Variants in OPCML observed in about 807,000 individuals in gnomAD.
OPCML encodes the protein opioid-binding protein/cell adhesion molecule.
A neutral mutation model predicts 37.8 loss-of-function variants in OPCML; 13 were observed. The ratio of observed to expected loss-of-function variants is 0.34; its 90% confidence interval spans 0.22 to 0.55. The LOEUF (loss-of-function observed/expected upper bound fraction) is 0.55, where lower values mean the gene tolerates loss of function less well. OPCML is among the 20% of genes least tolerant of loss of function. The pLI, the probability that OPCML is intolerant of heterozygous loss-of-function variation, is 0.91. For synonymous variants in OPCML, 176 were observed against 168.8 expected (o/e 1.04, Z -0.33); for missense variants, 341 against 435.6 (o/e 0.78, Z 1.93).
intron 3 of OPCML, among the ~76,000 whole-genome samples, chr11:132,649,718 T>C (rs1254798024): frequency 6.6e-6 from 1 of 152,164 alleles, no homozygotes; most frequent in Non-Finnish European, 1.5e-5. Flanking sequence ...CATGTATATG[T>C]GTATATCCAA....
chr11:132,555,745 T>A (rs7951475), intron 3 of OPCML, among the ~76,000 whole-genome samples: 40,555 of 152,022 alleles, frequency 0.27, 7,607 homozygotes, highest in East Asian at 0.64. Flanking sequence ...TTGCTCACTG[T>A]TAATCAGAAT....
Position 133,420,717 on chromosome 11 carries a change from T to C in OPCML, c.61+111547A>G, listed in dbSNP as rs148954296. The C allele has an allele frequency of 2.8e-5, 28 of 985,454 alleles. 1 individual carries two copies. In the South Asian group the frequency reaches 8.5e-4, roughly 30 times the overall value. The allele number at this position is 985,454 out of a possible 1,614,324, so 61.0% of individuals were successfully genotyped here. On this transcript the variant is annotated intron_variant, in intron 1 of 7. Transcript: ENST00000524381. Reference sequence around the variant, plus strand: ...GCCTACCCTAAATTGTCCAGTGGCATGTCAAGGGCTTGGGGACTAGGTTTA... The same window carrying C: ...GCCTACCCTAAATTGTCCAGTGGCACGTCAAGGGCTTGGGGACTAGGTTTA...
intron 1 of OPCML, among the ~76,000 whole-genome samples, chr11:133,115,322 C>T (rs1295758071): frequency 6.6e-6 from 1 of 152,180 alleles, no homozygotes; most frequent in African/African-American, 2.4e-5. Context: ...GGTGTTTGCT[C>T]AAAGCCCTTG....
intron 1 of OPCML, among the ~76,000 whole-genome samples, chr11:133,406,205 C>T (rs1945522614): frequency 1.3e-5 from 2 of 152,126 alleles, no homozygotes; most frequent in South Asian, 4.1e-4. Context: ...CTTGGAGAGT[C>T]AAGAACATAC....
In OPCML at chr11:133,211,153, G is replaced by T. The variant is rs541759173; in HGVS notation, c.62-268143C>A. 6.6e-6 allele frequency among the ~76,000 whole-genome samples: 1 copy of T among 152,130 alleles called. No homozygotes were observed. The highest frequency in any genetic ancestry group is 2.4e-5 in the African/African-American group (1 of 41,408). ...TCGTGATTGATGAGCCTGCCAGAAG[G>T]AATCAAATATTTCTGCAAATTCTGA... On this transcript the variant is annotated intron_variant, in intron 1 of 7. Transcript: ENST00000524381. This position sits in a 1 kb window ranked among gnomAD's most constrained non-coding sequence, Gnocchi z 4.1.
chr11:133,007,367 C>A, intron 1 of OPCML: 1 of 985,458 alleles, frequency 1.0e-6, no homozygotes, highest in Non-Finnish European at 1.2e-6. Context: ...GTGATTAGCT[C>A]AGCCACAGAG....
At chr11:133,013,325 T>C (rs2136880908) in intron 1 of OPCML, among the ~76,000 whole-genome samples, 1 of 152,298 alleles carries the variant, frequency 6.6e-6, no homozygotes, top group Admixed American at 6.5e-5. Flanking sequence ...AATAATGCAA[T>C]GAATTCAAAA....
chr11:133,438,656 A>G (rs1408023475), intron 1 of OPCML, among the ~76,000 whole-genome samples: 1 of 152,124 alleles, frequency 6.6e-6, no homozygotes, highest in East Asian at 1.9e-4. Flanking sequence ...CTTTGGTTTT[A>G]GTGAGGTGAC....
intron 1 of OPCML, chr11:133,008,821 T>G: frequency 1.1e-6 from 1 of 876,396 alleles, no homozygotes; most frequent in Non-Finnish European, 1.4e-6. Context: ...TACTCCCTAA[T>G]GCACTTTCTG....
chr11:132,784,456 C>T (rs1318910699), intron 2 of OPCML, among the ~76,000 whole-genome samples: 1 of 152,118 alleles, frequency 6.6e-6, no homozygotes, highest in African/African-American at 2.4e-5. Flanking sequence ...CCTTCCACTC[C>T]TCTGCCTGCC....
intron 1 of OPCML, among the ~76,000 whole-genome samples, chr11:133,382,893 C>T (rs912645299): frequency 6.6e-6 from 1 of 152,162 alleles, no homozygotes. Context: ...TCCTAGATAG[C>T]TTTTCTGATC....
intron 1 of OPCML, among the ~76,000 whole-genome samples, chr11:133,436,479 C>T (rs768550817): frequency 2.6e-5 from 4 of 152,120 alleles, no homozygotes; most frequent in Non-Finnish European, 5.9e-5. Context: ...AGTTTCACTC[C>T]GCTCATCTTT....
rs368639759 is a variant in OPCML at position 133,167,112 on chromosome 11, G to A, written c.62-224102C>T. On this transcript the variant is annotated intron_variant, in intron 1 of 7. Transcript: ENST00000524381. The stretch of plus-strand genomic sequence containing the variant: ...GTCCTGAGAAAGCAGAGAGGTACAC[G>A]GTGTCTTCTGTAAAAATGAGAGGAT... Among the ~76,000 whole-genome samples, 50 of 152,264 alleles carry A rather than the reference G, an allele frequency of 3.3e-4. 1 individual carries two copies. Among genetic ancestry groups the A allele is most frequent in the East Asian group, 1.4e-3 (7 of 5,182 alleles).
At chr11:133,082,858 G>GC (rs1338342609) in intron 1 of OPCML, among the ~76,000 whole-genome samples, 15 of 149,860 alleles carry the variant, frequency 1.0e-4, no homozygotes, top group Middle Eastern at 6.9e-3. Flanking sequence ...GGTGCCGGGG[G>GC]CCCCTCCGAG....
At chr11:132,689,306 G>T (rs545242284) in intron 2 of OPCML, among the ~76,000 whole-genome samples, 42 of 152,286 alleles carry the variant, frequency 2.8e-4, no homozygotes, top group African/African-American at 1.0e-3. Context: ...TTTTCTCATT[G>T]ATTTAAAATG....
intron 2 of OPCML, among the ~76,000 whole-genome samples, chr11:132,829,502 C>A (rs1179219211): frequency 6.6e-6 from 1 of 152,150 alleles, no homozygotes; most frequent in Non-Finnish European, 1.5e-5. Flanking sequence ...AGAAGAGCTA[C>A]CCTTTGCAGA....
chr11:132,674,255 G>C (rs1942606424), intron 2 of OPCML, among the ~76,000 whole-genome samples: 1 of 152,214 alleles, frequency 6.6e-6, no homozygotes, highest in African/African-American at 2.4e-5. Flanking sequence ...GGTCGAAGCA[G>C]AGAGAACTAG....
intron 1 of OPCML, chr11:133,008,530 C>G (rs769376290): frequency 2.4e-5 from 17 of 714,378 alleles, no homozygotes; most frequent in Admixed American, 6.3e-5. Context: ...CTGTGGAAGG[C>G]TCCCAGCTGA....
chr11:132,737,892 G>A (rs1945312756), intron 2 of OPCML, among the ~76,000 whole-genome samples: 1 of 152,200 alleles, frequency 6.6e-6, no homozygotes. Flanking sequence ...AGTGGCATTT[G>A]TTGGAGCAAA....
Sources: gnomAD v4.1 joint callset for allele counts (sites outside exome capture counted in the v4.1 genomes callset) on GRCh38, gnomAD v4.1.1 for gene constraint, Gnocchi (gnomAD v3.1) non-coding constraint, MANE v1.5 for transcripts, NCBI Gene and HGNC (gene_info 2026-07-23, HGNC 2026-07-21) for gene names.